Variants in PER1 observed in about 807,000 individuals in gnomAD.
PER1 encodes the protein period circadian protein homolog 1.
A neutral mutation model predicts 125.9 loss-of-function variants in PER1; 87 were observed. The ratio of observed to expected loss-of-function variants is 0.69; its 90% CI spans 0.58 to 0.83. The LOEUF is 0.83. Among genes scored for constraint, PER1 ranks in the 40% least tolerant of loss-of-function variants. The pLI is 0.00. For missense variants in PER1, 1,775 were observed against 1,722.8 expected (o/e 1.03, Z -0.54); for synonymous variants, 801 against 714.7 (o/e 1.12, Z -1.93).
chr17:8,141,094 G>A lies in PER1; in HGVS notation c.3847C>T (p.Pro1283Ser), dbSNP rs1218643368. The A allele has an allele frequency of 3.1e-6, 5 of 1,613,722 alleles. No homozygotes were observed. Among genetic ancestry groups the A allele is most frequent in the Non-Finnish European group, 3.4e-6 (4 of 1,179,824 alleles). Residue 1283 changes from proline to serine, a missense_variant, in exon 23 of 23, where the codon CCT becomes TCT. Pro to Ser is a moderately conservative substitution (Grantham distance 74). Transcript: ENST00000317276. ...TAGCTGGTGCAGTTTCCTGCTGTAG[G>A]TAAGGCTGGACTGGATGAGCTCCTG... Reference protein sequence around the residue: ...EGRSSSSPALPTAGNCTS With the variant: ...EGRSSSSPALSTAGNCTS
In PER1 at chr17:8,150,823, A is replaced by G; in HGVS notation, c.-117T>C. The G allele has an allele frequency of 1.0e-6, 1 of 987,956 alleles. No individual in the cohort carries two copies. The highest frequency in any genetic ancestry group is 1.5e-6 in the Non-Finnish European group (1 of 687,172). The allele number at this position is 987,956 out of a possible 1,614,324, so 61.2% of individuals were successfully genotyped here. On this transcript the variant is annotated 5_prime_UTR_variant, in exon 2 of 23. Coordinates refer to ENST00000317276, the MANE Select transcript of PER1 (RefSeq NM_002616.3). ...GGAAGATCTAAGTCTCTGAGGGTTGAGAAGTTCGATCACAGCCAGTACCTG... is the reference window on the plus strand; with the variant it reads ...GGAAGATCTAAGTCTCTGAGGGTTGGGAAGTTCGATCACAGCCAGTACCTG...
In PER1 at chr17:8,141,902, T is replaced by C; in HGVS notation, c.3503A>G (p.Lys1168Arg). The C allele has an allele frequency of 1.2e-6, 2 of 1,614,146 alleles. No homozygotes were observed. The highest frequency in any genetic ancestry group is 1.1e-5 in the South Asian group (1 of 91,078). Reference sequence around the variant, plus strand: ...GTCCTCAGAAAACCGAGGCTGCTGCTTCTGCATGGCTCGGAGCCGCTCCCG... The same window carrying C: ...GTCCTCAGAAAACCGAGGCTGCTGCCTCTGCATGGCTCGGAGCCGCTCCCG... ...QDRERLRAMQ[K>R]QQPRFSEDQR... Residue 1168 changes from lysine to arginine, a missense_variant, in exon 22 of 23, where the codon AAG becomes AGG. Physicochemically the swap from Lys to Arg is conservative, Grantham distance 26. Transcript: ENST00000317276.
At chr17:8,141,735 C>A in intron 22 of PER1, 70 bp downstream of exon 22, 1 of 1,542,282 alleles carries the variant, frequency 6.5e-7, no homozygotes. Context: ...TGAACTTGAG[C>A]TCAATTCTTT....
Position 8,147,342 on chromosome 17 carries a change from C to CT in PER1, c.1536_1537insA (p.Gly513ArgfsTer17). 6.2e-7 allele frequency: 1 copy of CT among 1,613,664 alleles called. No homozygotes were observed. Among genetic ancestry groups the CT allele is most frequent in the Non-Finnish European group, 8.5e-7 (1 of 1,179,922 alleles). ...AGAGGGCCTGGGGATGTCACGGCGC[C>CT]GACTCCACAGAGTCCCGTGGGGCTG... On this transcript the variant is annotated frameshift_variant, in exon 13 of 23. Transcript: ENST00000317276. LOFTEE classifies it high-confidence loss of function.
rs1427194850 is a variant in PER1, at chr17:8,150,549, C to G, written c.158G>C (p.Ser53Thr). The G allele has an allele frequency of 6.2e-7, 1 of 1,614,208 alleles. No homozygotes were observed. The highest frequency in any genetic ancestry group is 1.1e-5 in the South Asian group (1 of 91,090). The change falls in exon 2 of 23, where the codon AGT becomes ACT. Residue 53 changes from serine to threonine, a missense_variant. Transcript: ENST00000317276. ...DDTDANSNGS[S>T]GNESNGHESR... is the part of the protein sequence containing the mutation. ...CTCATGCCCGTTGGACTCATTGCCA[C>G]TTGAACCATTGCTGTTGGCATCGGT...
At chr17:8,149,213 CAA>C (rs78404230) in intron 7 of PER1, 44 bp downstream of exon 7, 8 of 380,856 alleles carry the variant, frequency 2.1e-5, no homozygotes, top group South Asian at 4.5e-5. Flanking sequence ...AAAACAAAAA[CAA>C]AAAAAAAAGG....
chr17:8,142,008 G>A, intron 21 of PER1, 53 bp from the exon 22 acceptor site: 1 of 1,607,056 alleles, frequency 6.2e-7, no homozygotes, highest in Non-Finnish European at 8.5e-7. Context: ...ACCCGGACCA[G>A]GACCCATGAA....
At position 8,143,402 on chromosome 17, in the gene PER1, C is replaced by G. The variant is rs1479908287; in HGVS notation, c.2936G>C (p.Ser979Thr). Reference protein sequence around the residue: ...PDSPLFNSRCSSPLQLNLLQL... With the variant: ...PDSPLFNSRCTSPLQLNLLQL... Reference sequence around the variant, plus strand: ...CAGCAGATTGAGCTGGAGTGGAGAGCTGCATCTCGAGTTGAACAGTGGAGA... The same window carrying G: ...CAGCAGATTGAGCTGGAGTGGAGAGGTGCATCTCGAGTTGAACAGTGGAGA... Residue 979 changes from serine (S) to threonine (T), a missense_variant, in exon 19 of 23, where the codon AGC becomes ACC. Coordinates refer to ENST00000317276, the MANE Select transcript of PER1 (RefSeq NM_002616.3). 1 of 1,613,548 alleles carries G rather than the reference C, an allele frequency of 6.2e-7. No homozygotes were observed. The highest frequency in any genetic ancestry group is 1.7e-5 in the Admixed American group (1 of 59,974).
rs143278671 is a variant in PER1 at position 8,150,628 on chromosome 17, A to G, written c.79T>C (p.Ser27Pro). Residue 27 changes from serine to proline, a missense_variant, in exon 2 of 23, where the codon TCC becomes CCC. Transcript: ENST00000317276. ...GGCCGGTGCTGTGGGGGCCCAGGGG[A>G]TGGGACGCCCCCAGGACAAAATGAT... is the stretch of plus-strand genomic sequence containing the variant. ...GESFCPGGVPSPGPPQHRPCP... is the reference protein window; with the variant it reads ...GESFCPGGVPPPGPPQHRPCP... 7 of 1,612,128 alleles carry G rather than the reference A, an allele frequency of 4.3e-6. No homozygotes were observed. In the African/African-American group the frequency reaches 8.0e-5, roughly 18 times the overall value.
Position 8,149,063 on chromosome 17 carries a change from C to T in PER1, c.905+196G>A, listed in dbSNP as rs1259124055. The T allele has an allele frequency of 1.9e-5, 12 of 628,680 alleles. No homozygotes were observed. In the East Asian group the frequency reaches 3.1e-4, roughly 16 times the overall value. The allele number at this position is 628,680 out of a possible 1,614,324, so 38.9% of individuals were successfully genotyped here. ...AATTAGCTGGGCGTGGTGGCGCATG[C>T]CTGTAATCCCAGCTACTTGGGAGGC... is the stretch of plus-strand genomic sequence containing the variant. On this transcript the variant is annotated intron_variant, in intron 7 of 22. Transcript: ENST00000317276.
intron 1 of PER1, among the ~76,000 whole-genome samples, chr17:8,151,716 C>T (rs1982873602): frequency 6.6e-6 from 1 of 152,094 alleles, no homozygotes; most frequent in Admixed American, 6.6e-5. Flanking sequence ...GTCAAGGACC[C>T]GAGGATCCTC....
Position 8,140,837 on chromosome 17 carries a change from G to A in PER1, c.*231C>T, listed in dbSNP as rs1278949593. On this transcript the variant is annotated 3_prime_UTR_variant, in exon 23 of 23. Transcript: ENST00000317276. Reference sequence around the variant, plus strand: ...GGGGAGGGAAGGATTCCTCTCCAAAGGTGGGAGGTGACACTCCTCTGGGCT... The same window carrying A: ...GGGGAGGGAAGGATTCCTCTCCAAAAGTGGGAGGTGACACTCCTCTGGGCT... 2.0e-6 allele frequency: 1 copy of A among 507,328 alleles called. No individual in the cohort carries two copies. Among genetic ancestry groups the A allele is most frequent in the Non-Finnish European group, 3.5e-6 (1 of 282,734 alleles). 31.4% of individuals were successfully genotyped at this position (507,328 alleles called of 1,614,324 possible).
intron 8 of PER1, 55 bp downstream of exon 8, chr17:8,148,589 T>C: frequency 6.5e-7 from 1 of 1,539,544 alleles, no homozygotes; most frequent in Non-Finnish European, 8.8e-7. Flanking sequence ...TGTCTGGCCA[T>C]GAGGAAATGT....
intron 18 of PER1, chr17:8,144,430 C>T: frequency 2.1e-6 from 1 of 466,502 alleles, no homozygotes. Flanking sequence ...CATGTCTCTT[C>T]ATCAGTGACA....
chr17:8,144,607 G>A (rs1324855495), intron 18 of PER1, 144 bp downstream of exon 18: 2 of 1,130,270 alleles, frequency 1.8e-6, no homozygotes, highest in South Asian at 1.4e-5. Flanking sequence ...GCTAGCGAGG[G>A]GCCTGTCCCT....
chr17:8,144,803 C>A lies in PER1; in HGVS notation c.2409G>T (p.Arg803Ser). Residue 803 changes from arginine to serine, a missense_variant, in exon 18 of 23, where the codon AGG becomes AGT. Transcript: ENST00000317276. ...TGGAAGAGCTGTCGAGTCCACGCAG[C>A]CTGCCCAGGTCTCGGAAGCGGCTGA... is the stretch of plus-strand genomic sequence containing the variant. ...AFLSRFRDLG[R>S]LRGLDSSSTA... 1 of 1,585,740 alleles carries A rather than the reference C, an allele frequency of 6.3e-7. No homozygotes were observed. Among genetic ancestry groups the A allele is most frequent in the East Asian group, 2.3e-5 (1 of 43,638 alleles).
chr17:8,141,944 G>A lies in PER1; in HGVS notation c.3461C>T (p.Ser1154Phe), dbSNP rs758999266. ...TYQVPSRDMT[S>F]VLKQDRERLR... ...CCGCTCCCGATCCTGCTTCAGCACA[G>A]AGGTCATGTCCCTGCCCAAGAAGGG... Residue 1154 changes from serine to phenylalanine, a missense_variant, in exon 22 of 23, where the codon TCT (serine) becomes TTT (phenylalanine). Physicochemically the swap from Ser to Phe is radical, Grantham distance 155. Transcript: ENST00000317276. 1.2e-6 allele frequency: 2 copies of A among 1,613,946 alleles called. No individual in the cohort carries two copies. The highest frequency in any genetic ancestry group is 1.1e-5 in the South Asian group (1 of 91,080).
At position 8,144,811 on chromosome 17, in the gene PER1, G is replaced by C. The variant is rs142336954; in HGVS notation, c.2401C>G (p.Leu801Val). 6.3e-6 allele frequency: 10 copies of C among 1,586,036 alleles called. No individual in the cohort carries two copies. Among genetic ancestry groups the C allele is most frequent in the Non-Finnish European group, 7.7e-6 (9 of 1,165,346 alleles). The change falls in exon 18 of 23, where the codon CTG becomes GTG. Residue 801 changes from leucine to valine, a missense_variant. By Grantham distance (32) the Leu-to-Val change is conservative. Coordinates refer to ENST00000317276, the MANE Select transcript of PER1 (RefSeq NM_002616.3). ...CTGTCGAGTCCACGCAGCCTGCCCA[G>C]GTCTCGGAAGCGGCTGAGGAAGGCT... ...EQAFLSRFRD[L>V]GRLRGLDSSS...
Position 8,150,111 on chromosome 17 carries a change from G to A in PER1, c.389C>T (p.Ala130Val), listed in dbSNP as rs201369848. 7 of 1,614,104 alleles carry A rather than the reference G, an allele frequency of 4.3e-6. No homozygotes were observed. Among genetic ancestry groups the A allele is most frequent in the Non-Finnish European group, 5.9e-6 (7 of 1,179,962 alleles). ...STSGCSSEQS[A>V]RARTQKELMT... ...GAGTTCCTTCTGAGTCCTTGCCCGG[G>A]CTGACTGTTCACTGCTGCGGGGCCC... is the stretch of plus-strand genomic sequence containing the variant. Residue 130 changes from alanine to valine, a missense_variant, in exon 4 of 23, where the codon GCC (alanine) becomes GTC (valine). Physicochemically the swap from Ala to Val is moderately conservative, Grantham distance 64. Transcript: ENST00000317276.
Sources: allele counts gnomAD v4.1 joint callset (sites outside exome capture counted in the v4.1 genomes callset), GRCh38; gene constraint gnomAD v4.1.1; transcripts MANE v1.5; gene names NCBI Gene and HGNC (gene_info 2026-07-23, HGNC 2026-07-21).